GRID2: variants seen among roughly 807,000 people sequenced by gnomAD.
GRID2 encodes glutamate receptor ionotropic, delta-2.
Under a neutral mutation model 114.8 loss-of-function variants are expected in GRID2, and 33 were observed. That is an observed-to-expected ratio of 0.29 (90% confidence interval 0.22 to 0.38). The LOEUF is 0.38. Ranked by LOEUF, GRID2 falls within the 10% of genes least tolerant of loss-of-function variation. GRID2 has a pLI of 1.00. For missense variants in GRID2, 1,184 were observed against 1,257.7 expected, an observed-to-expected ratio of 0.94 and a Z score of 0.89; for synonymous variants, 505 against 449.9, an observed-to-expected ratio of 1.12 and a Z score of -1.55.
chr4:92,773,940 A>G (rs1738660750), intron 2 of GRID2, among the ~76,000 whole-genome samples: 1 of 152,168 alleles, frequency 6.6e-6, no homozygotes, highest in Non-Finnish European at 1.5e-5. Flanking sequence ...TACATTCCAT[A>G]TGCTTTTAAG....
chr4:92,948,349 T>C (rs1578569914), intron 2 of GRID2, among the ~76,000 whole-genome samples: 1 of 151,906 alleles, frequency 6.6e-6, no homozygotes, highest in Non-Finnish European at 1.5e-5. Flanking sequence ...GGGTATAATC[T>C]ATCCTGTCAA....
rs183310350 is a variant in GRID2 at position 92,443,510 on chromosome 4, C to T, written c.88+138766C>T. Among the ~76,000 whole-genome samples the T allele has an allele frequency of 4.1e-3, 616 of 150,612 alleles. 8 individuals carry two copies. The highest frequency in any genetic ancestry group is 0.014 in the African/African-American group (581 of 40,604). On this transcript the variant is annotated intron_variant, in intron 1 of 15. Transcript: ENST00000282020. Reference sequence around the variant, plus strand: ...GAGGGAAGGGGTTTGGGGGTTCTTACCTTCCAGAAAAGTGGGAAAAGGGGT... The same window carrying T: ...GAGGGAAGGGGTTTGGGGGTTCTTATCTTCCAGAAAAGTGGGAAAAGGGGT...
intron 2 of GRID2, among the ~76,000 whole-genome samples, chr4:92,793,363 A>G (rs1452656459): frequency 6.6e-6 from 1 of 151,820 alleles, no homozygotes; most frequent in African/African-American, 2.4e-5. Flanking sequence ...TAGGTACTTC[A>G]GTAACAGTTG....
intron 1 of GRID2, among the ~76,000 whole-genome samples, chr4:92,383,483 C>A (rs954937823): frequency 2.0e-5 from 3 of 151,914 alleles, no homozygotes; most frequent in African/African-American, 7.2e-5. Flanking sequence ...AAGAAACATG[C>A]CAGTACAGCC....
intron 14 of GRID2, among the ~76,000 whole-genome samples, chr4:93,703,264 T>A (rs1727668070): frequency 6.6e-6 from 1 of 152,094 alleles, no homozygotes; most frequent in Admixed American, 6.6e-5. Context: ...ATTATTAAAT[T>A]TTGGGGGTAT....
intron 8 of GRID2, among the ~76,000 whole-genome samples, chr4:93,260,467 C>G (rs975561268): frequency 4.6e-5 from 7 of 151,284 alleles, no homozygotes; most frequent in African/African-American, 1.7e-4. Flanking sequence ...AAGTTGGACA[C>G]TTAAAAGGGT....
At chr4:92,747,932 A>C (rs1459323986) in intron 2 of GRID2, among the ~76,000 whole-genome samples, 1 of 152,182 alleles carries the variant, frequency 6.6e-6, no homozygotes, top group Non-Finnish European at 1.5e-5. Context: ...TTCTTAATGA[A>C]GTCCCTATAC....
intron 1 of GRID2, among the ~76,000 whole-genome samples, chr4:92,584,100 T>A (rs1221299763): frequency 6.6e-6 from 1 of 151,924 alleles, no homozygotes; most frequent in East Asian, 1.9e-4. Context: ...ATAATACTGC[T>A]AATTTCTCTT....
chr4:92,778,902 C>T (rs1738932422), intron 2 of GRID2, among the ~76,000 whole-genome samples: 1 of 151,968 alleles, frequency 6.6e-6, no homozygotes, highest in Non-Finnish European at 1.5e-5. Flanking sequence ...TATAAAAGAG[C>T]TTAATCCTCA....
rs547702975 is a variant in GRID2, at chr4:92,913,363, CACTA to C, written c.245-171627_245-171624del. On this transcript the variant is annotated intron_variant, in intron 2 of 15. Coordinates refer to ENST00000282020, the MANE Select transcript of GRID2 (RefSeq NM_001510.4). ...ACTTGTGTTTTATTGCTATTCTGGG[CACTA>C]ACTATTATTATTATTGTTACGTTTT... Among the ~76,000 whole-genome samples, 664 of 151,906 alleles carry C rather than the reference CACTA, an allele frequency of 4.4e-3. 7 individuals carry two copies. Among genetic ancestry groups the C allele is most frequent in the African/African-American group, 0.014 (599 of 41,514 alleles).
intron 1 of GRID2, among the ~76,000 whole-genome samples, chr4:93,799,080 C>T (rs1474576507): frequency 2.0e-5 from 3 of 152,210 alleles, no homozygotes; most frequent in Non-Finnish European, 2.9e-5. Flanking sequence ...TAAAGACCCT[C>T]AACCTCAGTT....
At chr4:92,349,914 A>C (rs1308179045) in intron 1 of GRID2, among the ~76,000 whole-genome samples, 1 of 152,012 alleles carries the variant, frequency 6.6e-6, no homozygotes, top group East Asian at 1.9e-4. Context: ...GTAACCCTTA[A>C]GTTCTTCCAC....
intron 10 of GRID2, among the ~76,000 whole-genome samples, chr4:93,424,930 C>T (rs917278958): frequency 6.6e-6 from 1 of 152,042 alleles, no homozygotes; most frequent in Non-Finnish European, 1.5e-5. Context: ...GATATTCTGC[C>T]ACCTTCAAAT....
intron 14 of GRID2, among the ~76,000 whole-genome samples, chr4:93,739,908 C>A (rs560497346): frequency 6.6e-5 from 10 of 152,210 alleles, no homozygotes; most frequent in Non-Finnish European, 1.0e-4. Flanking sequence ...GTCACAATAA[C>A]CCTATAAAAT....
chr4:93,010,220 T>C (rs1721992020), intron 2 of GRID2, among the ~76,000 whole-genome samples: 1 of 152,122 alleles, frequency 6.6e-6, no homozygotes. Context: ...CGATGATAGA[T>C]GATTATATGA....
At chr4:92,806,254 C>A in intron 2 of GRID2, among the ~76,000 whole-genome samples, 1 of 150,576 alleles carries the variant, frequency 6.6e-6, no homozygotes, top group East Asian at 2.0e-4. Flanking sequence ...TTAAGAGATT[C>A]CATTCACTCC....
At chr4:92,328,672 A>C (rs549888441) in intron 1 of GRID2, among the ~76,000 whole-genome samples, 8 of 152,148 alleles carry the variant, frequency 5.3e-5, no homozygotes, top group Admixed American at 4.6e-4. Context: ...AGCATAATAA[A>C]ATGTAACCTG....
intron 1 of GRID2, among the ~76,000 whole-genome samples, chr4:92,431,715 CT>C (rs1732463141): frequency 6.6e-6 from 1 of 152,108 alleles, no homozygotes; most frequent in South Asian, 2.1e-4. Flanking sequence ...AATTCTCTGT[CT>C]CCCCCAGATT....
intron 11 of GRID2, among the ~76,000 whole-genome samples, chr4:93,476,739 T>G (rs1725356074): frequency 1.3e-5 from 2 of 152,126 alleles, no homozygotes; most frequent in Admixed American, 6.6e-5. Flanking sequence ...ACAATACATG[T>G]GATGGGAAGT....
Sources: gnomAD v4.1 joint callset for allele counts (sites outside exome capture counted in the v4.1 genomes callset) on GRCh38, gnomAD v4.1.1 for gene constraint, MANE v1.5 for transcripts, NCBI Gene and HGNC (gene_info 2026-07-23, HGNC 2026-07-21) for gene names.